The following PRUNE2 variants were observed in gnomAD, a reference collection of about 807,000 sequenced individuals.
The protein encoded by PRUNE2 is protein prune homolog 2.
PRUNE2 carries 164 observed loss-of-function variants against 252.0 expected under a neutral mutation model. That is an observed-to-expected ratio of 0.65 (90% CI 0.57 to 0.74). PRUNE2 has a LOEUF of 0.74. Among genes scored for constraint, PRUNE2 ranks in the 30% least tolerant of loss-of-function variants. The pLI is 0.00. For missense variants in PRUNE2, 3,495 were observed against 3,711.0 expected, an observed-to-expected ratio of 0.94 and a Z score of 1.51; for synonymous variants, 1,292 against 1,350.2, an observed-to-expected ratio of 0.96 and a Z score of 0.94.
chr9:76,802,253 C>G (rs2056610433), intron 6 of PRUNE2, among the ~76,000 whole-genome samples: 1 of 152,082 alleles, frequency 6.6e-6, no homozygotes, highest in South Asian at 2.1e-4. Flanking sequence ...AAGAAGACCC[C>G]TTGGCGATTT....
intron 6 of PRUNE2, among the ~76,000 whole-genome samples, chr9:76,768,869 A>G (rs2052760153): frequency 6.6e-6 from 1 of 152,188 alleles, no homozygotes. Flanking sequence ...GTAAGTCTTT[A>G]CTTTGCATAA....
Position 76,754,964 on chromosome 9 carries a change from CAA to C in PRUNE2, c.757-41245_757-41244del, listed in dbSNP as rs11292120. On this transcript the variant is annotated intron_variant, in intron 6 of 18. Coordinates refer to ENST00000376718, the MANE Select transcript of PRUNE2 (RefSeq NM_015225.3). ...CTGGTGACAGAGTGAGACTCGGTCTCAAAAAAAAAAAAAAAAAAAAAAAACCC... is the reference window on the plus strand; with the variant it reads ...CTGGTGACAGAGTGAGACTCGGTCTCAAAAAAAAAAAAAAAAAAAAAACCC... Among the ~76,000 whole-genome samples, 571 of 67,900 alleles carry C rather than the reference CAA, an allele frequency of 8.4e-3. 1 individual carries two copies. Among genetic ancestry groups the C allele is most frequent in the African/African-American group, 0.026 (533 of 20,532 alleles). 44.5% of individuals were successfully genotyped at this position (67,900 alleles called of 152,430 possible). A position where few individuals can be genotyped will look rare whatever the true frequency, so the allele number is the denominator to read the frequency against.
intron 6 of PRUNE2, among the ~76,000 whole-genome samples, chr9:76,817,579 C>G (rs2057771392): frequency 6.6e-6 from 1 of 152,320 alleles, no homozygotes; most frequent in African/African-American, 2.4e-5. Context: ...TCCCTGTTGA[C>G]AGATAAACTG....
chr9:76,764,767 G>A (rs1030173026), intron 6 of PRUNE2, among the ~76,000 whole-genome samples: 2 of 152,172 alleles, frequency 1.3e-5, no homozygotes, highest in African/African-American at 4.8e-5. Context: ...GGTGGTGGCT[G>A]GGCCTAGGCC....
In PRUNE2 at chr9:76,709,514, G is replaced by T. The variant is rs752784090; in HGVS notation, c.2760C>A (p.Asn920Lys). 1.2e-5 allele frequency: 20 copies of T among 1,613,820 alleles called. No homozygotes were observed. Among genetic ancestry groups the T allele is most frequent in the African/African-American group, 6.7e-5 (5 of 74,892 alleles). Residue 920 changes from asparagine to lysine, a missense_variant, in exon 8 of 19, where the codon AAC becomes AAA. Coordinates refer to ENST00000376718, the MANE Select transcript of PRUNE2 (RefSeq NM_015225.3). ...CTTTCTTCATATTCTCCTCAAAAAGGTTCCAGGAATCTACCTTTTCATATA... is the reference window on the plus strand; with the variant it reads ...CTTTCTTCATATTCTCCTCAAAAAGTTTCCAGGAATCTACCTTTTCATATA... The part of the protein sequence containing the change: ...GKVYEKVDSW[N>K]LFEENMKKGG...
rs748910643 is a variant in PRUNE2, at chr9:76,709,562, C to G, written c.2712G>C (p.Val904=). ...ATACCTTGCCCCTAGTTTTAGGATC[C>G]ACTAAACCATTCTGATCTTCTTTTG... ...KPPKEDQNGL[V]DPKTRGKVYE... Residue 904 remains valine, a synonymous_variant, in exon 8 of 19, where the codon GTG becomes GTC. Transcript: ENST00000376718. 6.2e-7 allele frequency: 1 copy of G among 1,613,980 alleles called. No individual in the cohort carries two copies. The highest frequency in any genetic ancestry group is 1.1e-5 in the South Asian group (1 of 91,076).
intron 6 of PRUNE2, among the ~76,000 whole-genome samples, chr9:76,740,802 T>C (rs1024302167): frequency 2.0e-5 from 3 of 152,230 alleles, no homozygotes; most frequent in Non-Finnish European, 4.4e-5. Context: ...CAGGCATCTG[T>C]TGGCTGATTG....
intron 3 of PRUNE2, among the ~76,000 whole-genome samples, chr9:76,849,401 C>T (rs1158371121): frequency 1.3e-5 from 2 of 152,180 alleles, no homozygotes; most frequent in Non-Finnish European, 2.9e-5. Context: ...TTCCATTTCA[C>T]TACTGAGATT....
rs115248711 is a variant in PRUNE2, at chr9:76,779,134, C to T, written c.756+44498G>A. Among the ~76,000 whole-genome samples, 990 of 152,048 alleles carry T rather than the reference C, an allele frequency of 6.5e-3. 10 individuals are homozygous for T. Among genetic ancestry groups the T allele is most frequent in the African/African-American group, 0.022 (928 of 41,450 alleles). On this transcript the variant is annotated intron_variant, in intron 6 of 18. Transcript: ENST00000376718. ...TCATTAAACATAAAATCAATGTAGA[C>T]GCAAATTTTCTGGATGGGCAATACT...
chr9:76,670,199 G>T (rs762089835), intron 9 of PRUNE2, among the ~76,000 whole-genome samples: 2 of 152,186 alleles, frequency 1.3e-5, no homozygotes, highest in East Asian at 1.9e-4. Context: ...TGCGCGCACC[G>T]TGCGCGAGCC....
At chr9:76,887,227 A>G (rs1026972902) in intron 1 of PRUNE2, among the ~76,000 whole-genome samples, 26 of 152,104 alleles carry the variant, frequency 1.7e-4, no homozygotes, top group African/African-American at 5.3e-4. Flanking sequence ...AGTCATCCCA[A>G]ATGAAAACAA....
rs1564272539 is a variant in PRUNE2 at position 76,774,455 on chromosome 9, T to TTTATTTATTTATTTATTTATTTA, written c.756+49176_756+49177insTAAATAAATAAATAAATAAATAA. Among the ~76,000 whole-genome samples, 3 of 133,314 alleles carry TTTATTTATTTATTTATTTATTTA rather than the reference T, an allele frequency of 2.3e-5. 1 individual carries two copies. Among genetic ancestry groups the TTTATTTATTTATTTATTTATTTA allele is most frequent in the Non-Finnish European group, 1.6e-5 (1 of 61,050 alleles). 87.5% of individuals were successfully genotyped at this position (133,314 alleles called of 152,430 possible). On this transcript the variant is annotated intron_variant, in intron 6 of 18. Coordinates refer to ENST00000376718, the MANE Select transcript of PRUNE2 (RefSeq NM_015225.3). ...TCCTGGCCTCCAGTTCAACCCTTTT[T>TTTATTTATTTATTTATTTATTTA]TTTTTTTTTTTTTTTTTTTTTTGAG...
intron 5 of PRUNE2, among the ~76,000 whole-genome samples, chr9:76,825,985 C>G (rs1469264952): frequency 6.6e-6 from 1 of 152,154 alleles, no homozygotes; most frequent in African/African-American, 2.4e-5. Context: ...AAAATAGAAT[C>G]CTATCAGCAT....
chr9:76,846,705 A>G, intron 3 of PRUNE2, 27 bp from the exon 4 acceptor site: 1 of 1,596,924 alleles, frequency 6.3e-7, no homozygotes, highest in Non-Finnish European at 8.6e-7. Context: ...GGGGAGGAAG[A>G]GAAAGGGATA....
At chr9:76,720,972 G>A (rs1314094067) in intron 6 of PRUNE2, among the ~76,000 whole-genome samples, 1 of 152,078 alleles carries the variant, frequency 6.6e-6, no homozygotes, top group Non-Finnish European at 1.5e-5. Flanking sequence ...GTGGTGACCG[G>A]CGCGTGTAGT....
At chr9:76,737,495 A>C in intron 6 of PRUNE2, 1 of 152,272 alleles carries the variant, frequency 6.6e-6, no homozygotes, top group Non-Finnish European at 1.5e-5. Context: ...TACTTTAGCA[A>C]CATAGCCTCA....
chr9:76,660,063 G>A (rs1429887358), intron 9 of PRUNE2, among the ~76,000 whole-genome samples: 1 of 151,924 alleles, frequency 6.6e-6, no homozygotes. Context: ...TACTCCAAAA[G>A]TTACTAATAC....
At chr9:76,896,487 T>C (rs185552163) in intron 1 of PRUNE2, among the ~76,000 whole-genome samples, 137 of 152,318 alleles carry the variant, frequency 9.0e-4, no homozygotes, top group Non-Finnish European at 8.8e-5. Context: ...ATAAGAACTG[T>C]TGCACTTACA....
At chr9:76,884,583 C>T (rs138280375) in intron 1 of PRUNE2, among the ~76,000 whole-genome samples, 129 of 152,288 alleles carry the variant, frequency 8.5e-4, no homozygotes, top group African/African-American at 2.8e-3. Flanking sequence ...AAGAAAAATA[C>T]ATAAGAACTG....
Sources: allele counts gnomAD v4.1 joint callset (sites outside exome capture counted in the v4.1 genomes callset), GRCh38; gene constraint gnomAD v4.1.1; transcripts MANE v1.5; gene names NCBI Gene and HGNC (gene_info 2026-07-23, HGNC 2026-07-21).